Variants in RPS6KA2 observed in about 807,000 individuals in gnomAD.
RPS6KA2 encodes the protein ribosomal protein S6 kinase alpha-2.
A neutral mutation model predicts 91.8 loss-of-function variants in RPS6KA2; 42 were observed. The observed-to-expected ratio is 0.46, with a 90% CI of 0.36 to 0.59. The LOEUF (loss-of-function observed/expected upper bound fraction) is 0.59, where lower values mean the gene tolerates loss of function less well. RPS6KA2 is among the 20% of genes least tolerant of loss of function. The pLI, the probability that RPS6KA2 is intolerant of heterozygous loss-of-function variation, is 0.00. For synonymous variants in RPS6KA2, 414 were observed against 393.6 expected (o/e 1.05, Z -0.61); for missense variants, 798 against 978.5 (o/e 0.82, Z 2.46).
intron 2 of RPS6KA2, among the ~76,000 whole-genome samples, chr6:166,663,393 C>T (rs1295618818): frequency 1.3e-5 from 2 of 152,120 alleles, no homozygotes; most frequent in Non-Finnish European, 2.9e-5. Flanking sequence ...CACCCCAGCC[C>T]CCAGAACCCA....
intron 2 of RPS6KA2, among the ~76,000 whole-genome samples, chr6:166,840,176 C>A (rs1318073327): frequency 2.0e-5 from 3 of 152,124 alleles, no homozygotes; most frequent in Non-Finnish European, 4.4e-5. Context: ...GGTCTTGCTC[C>A]TTGATCTGCA....
At chr6:166,457,923 C>G (rs568204263) in intron 12 of RPS6KA2, among the ~76,000 whole-genome samples, 1 of 152,176 alleles carries the variant, frequency 6.6e-6, no homozygotes, top group Non-Finnish European at 1.5e-5. Flanking sequence ...TCAAAAGCAG[C>G]GAGAAAAAAT....
chr6:166,496,195 CA>C (rs551954693), intron 8 of RPS6KA2, among the ~76,000 whole-genome samples: 3,457 of 151,112 alleles, frequency 0.023, 132 homozygotes, highest in African/African-American at 0.079. Flanking sequence ...TACTAAAATG[CA>C]AAAAAAATTA....
At chr6:166,670,347 G>A (rs1788437281) in intron 2 of RPS6KA2, among the ~76,000 whole-genome samples, 1 of 152,232 alleles carries the variant, frequency 6.6e-6, no homozygotes, top group African/African-American at 2.4e-5. Context: ...TGAGACCACA[G>A]CCCTGCCTGA....
intron 2 of RPS6KA2, among the ~76,000 whole-genome samples, chr6:166,680,069 A>G (rs1188524494): frequency 4.6e-5 from 7 of 152,170 alleles, no homozygotes; most frequent in Non-Finnish European, 7.3e-5. Flanking sequence ...AGGTTTGTAA[A>G]CGCACCAATC....
intron 1 of RPS6KA2, among the ~76,000 whole-genome samples, chr6:166,586,936 G>A (rs1284423950): frequency 6.6e-6 from 1 of 152,214 alleles, no homozygotes; most frequent in Non-Finnish European, 1.5e-5. Flanking sequence ...TTGCAGGCAG[G>A]TGTGGTCATG....
chr6:166,778,152 C>G (rs771743383), intron 2 of RPS6KA2, among the ~76,000 whole-genome samples: 2 of 152,240 alleles, frequency 1.3e-5, no homozygotes, highest in Non-Finnish European at 2.9e-5. Context: ...TCGGTGCTTA[C>G]GTTAGCCTTA....
intron 1 of RPS6KA2, among the ~76,000 whole-genome samples, chr6:166,597,558 A>G (rs965854415): frequency 1.6e-4 from 25 of 152,214 alleles, no homozygotes; most frequent in African/African-American, 5.8e-4. Flanking sequence ...TGGAATAAAG[A>G]TAGAGGAGAC....
chr6:166,680,504 C>T (rs1290817926), intron 2 of RPS6KA2, among the ~76,000 whole-genome samples: 1 of 152,134 alleles, frequency 6.6e-6, no homozygotes, highest in African/African-American at 2.4e-5. Context: ...CTTGCTGGTG[C>T]CCACTTTTTG....
intron 2 of RPS6KA2, among the ~76,000 whole-genome samples, chr6:166,658,966 C>G (rs983496154): frequency 6.6e-6 from 1 of 152,036 alleles, no homozygotes; most frequent in Non-Finnish European, 1.5e-5. Context: ...AATTAGATAC[C>G]CCGACCAATG....
intron 2 of RPS6KA2, among the ~76,000 whole-genome samples, chr6:166,857,210 G>A (rs1476866294): frequency 2.6e-5 from 4 of 152,186 alleles, no homozygotes; most frequent in East Asian, 3.8e-4. Context: ...AATGTTCATC[G>A]ATCCAGCCCT....
chr6:166,713,925 C>T (rs997153236), intron 2 of RPS6KA2, among the ~76,000 whole-genome samples: 5 of 152,178 alleles, frequency 3.3e-5, no homozygotes, highest in African/African-American at 4.8e-5. Flanking sequence ...CCCACGTTAA[C>T]CTATCGCTGC....
At chr6:166,762,433 A>G (rs1294689653) in intron 2 of RPS6KA2, among the ~76,000 whole-genome samples, 1 of 152,168 alleles carries the variant, frequency 6.6e-6, no homozygotes, top group Admixed American at 6.5e-5. Flanking sequence ...CGGAATATGA[A>G]GTTCAAATTC....
At chr6:166,473,089 CTGGG>C (rs1780831594) in intron 10 of RPS6KA2, among the ~76,000 whole-genome samples, 1 of 152,158 alleles carries the variant, frequency 6.6e-6, no homozygotes, top group Non-Finnish European at 1.5e-5. Flanking sequence ...ATGTGTTTAT[CTGGG>C]TCTGTGTCTC....
At chr6:166,659,071 C>G (rs1027793846) in intron 2 of RPS6KA2, among the ~76,000 whole-genome samples, 1 of 152,268 alleles carries the variant, frequency 6.6e-6, no homozygotes, top group African/African-American at 2.4e-5. Context: ...CAACACCCCC[C>G]CTTTTGTGGC....
chr6:166,747,987 C>T (rs888542180), intron 2 of RPS6KA2, among the ~76,000 whole-genome samples: 6 of 152,140 alleles, frequency 3.9e-5, no homozygotes, highest in African/African-American at 1.4e-4. Flanking sequence ...CCCTGAGTTG[C>T]CCATGCCAGT....
chr6:166,632,120 T>G (rs933283425), upstream of RPS6KA2, among the ~76,000 whole-genome samples: 1 of 152,108 alleles, frequency 6.6e-6, no homozygotes, highest in Admixed American at 6.5e-5. Context: ...CCTGGGGAGT[T>G]TTTAGACTCC....
intron 1 of RPS6KA2, among the ~76,000 whole-genome samples, chr6:166,570,714 G>A (rs1784661988): frequency 6.6e-6 from 1 of 151,856 alleles, no homozygotes. Flanking sequence ...AGTGCCACAG[G>A]GAAACCAGAC....
intron 2 of RPS6KA2, chr6:166,771,021 C>A: frequency 1.2e-6 from 1 of 844,370 alleles, no homozygotes; most frequent in Non-Finnish European, 1.8e-6. Flanking sequence ...GGCCTGTGAG[C>A]TTTTTGTTTC....
Sources: gnomAD v4.1 joint callset for allele counts (sites outside exome capture counted in the v4.1 genomes callset) on GRCh38, gnomAD v4.1.1 for gene constraint, MANE v1.5 for transcripts, NCBI Gene and HGNC (gene_info 2026-07-23, HGNC 2026-07-21) for gene names.